The following TTC27 variants were observed in gnomAD, a reference collection of about 807,000 sequenced individuals.
TTC27 encodes tetratricopeptide repeat domain 27.
Under a neutral mutation model 115.9 loss-of-function variants are expected in TTC27, and 79 were observed. The ratio of observed to expected loss-of-function variants is 0.68; its 90% CI spans 0.57 to 0.82. The LOEUF (loss-of-function observed/expected upper bound fraction) is 0.82. TTC27 is among the 40% of genes least tolerant of loss of function. The pLI is 0.00. For missense variants in TTC27, 1,054 were observed against 993.1 expected (o/e 1.06, Z -0.82); for synonymous variants, 401 against 356.0 (o/e 1.13, Z -1.42).
intron 13 of TTC27, among the ~76,000 whole-genome samples, chr2:32,762,239 T>G (rs1414956418): frequency 6.6e-6 from 1 of 150,516 alleles, no homozygotes. Context: ...TCTAGGCAGG[T>G]GAAGAGTATG....
At chr2:32,748,245 A>C (rs1668894578) in intron 12 of TTC27, among the ~76,000 whole-genome samples, 1 of 152,118 alleles carries the variant, frequency 6.6e-6, no homozygotes, top group African/African-American at 2.4e-5. Context: ...ATTTCCACAA[A>C]ATTCCTTTTG....
At chr2:32,672,078 A>C (rs899620541) in intron 7 of TTC27, among the ~76,000 whole-genome samples, 194 bp from the exon 8 acceptor site, 9 of 152,196 alleles carry the variant, frequency 5.9e-5, no homozygotes, top group African/African-American at 1.7e-4. Context: ...TGCATTCTTG[A>C]GGTATAGATG....
intron 16 of TTC27, among the ~76,000 whole-genome samples, chr2:32,803,040 A>G (rs1321146551): frequency 1.3e-5 from 2 of 152,222 alleles, no homozygotes; most frequent in Admixed American, 6.5e-5. Context: ...GGGAGGGGCT[A>G]AAGCCCAGGA....
intron 9 of TTC27, among the ~76,000 whole-genome samples, chr2:32,699,618 A>G (rs1050417974): frequency 6.6e-6 from 1 of 152,238 alleles, no homozygotes; most frequent in African/African-American, 2.4e-5. Context: ...GTCCCATATT[A>G]TGGTCAATTC....
chr2:32,723,694 T>TCCTTCCTTCCTCCCTCCCTC (rs1426698541), intron 10 of TTC27, among the ~76,000 whole-genome samples: 2 of 57,864 alleles, frequency 3.5e-5, no homozygotes, highest in African/African-American at 1.8e-4. Flanking sequence ...CTCAGCTCCT[T>TCCTTCCTTCCTCCCTCCCTC]CCTCCCTCCC....
intron 8 of TTC27, among the ~76,000 whole-genome samples, chr2:32,674,394 G>A (rs1317208756): frequency 2.6e-5 from 4 of 151,862 alleles, no homozygotes; most frequent in South Asian, 2.1e-4. Context: ...CAGGTGATCC[G>A]CCCGCCTCAG....
chr2:32,782,750 T>C (rs6738232), intron 15 of TTC27, 72 bp downstream of exon 15: 44,052 of 1,245,162 alleles, frequency 0.035, 1,384 homozygotes, highest in African/African-American at 0.14. Flanking sequence ...CAACTGAACA[T>C]TGTTTCAATG....
At chr2:32,812,897 A>G (rs1046989300) in intron 18 of TTC27, among the ~76,000 whole-genome samples, 5 of 152,220 alleles carry the variant, frequency 3.3e-5, no homozygotes, top group African/African-American at 9.6e-5. Context: ...ACAACTTTGT[A>G]TAACCTTCAT....
chr2:32,658,076 C>T (rs1414980397), intron 5 of TTC27, among the ~76,000 whole-genome samples: 1 of 152,196 alleles, frequency 6.6e-6, no homozygotes, highest in East Asian at 1.9e-4. Flanking sequence ...TGATCCACCA[C>T]CTTGGCCTCC....
intron 10 of TTC27, among the ~76,000 whole-genome samples, chr2:32,705,157 T>A (rs997890658): frequency 6.6e-6 from 1 of 152,136 alleles, no homozygotes; most frequent in African/African-American, 2.4e-5. Flanking sequence ...CTTGTCCCTC[T>A]GTTAGTTCAT....
intron 16 of TTC27, among the ~76,000 whole-genome samples, chr2:32,806,361 A>C (rs1671128045): frequency 6.6e-6 from 1 of 152,194 alleles, no homozygotes; most frequent in Admixed American, 6.5e-5. Context: ...TACTCCTTTT[A>C]ATCTCAAATA....
rs1031167489 is a variant in TTC27 at position 32,752,832 on chromosome 2, C to G, written c.1453-5460C>G. Among the ~76,000 whole-genome samples the G allele has an allele frequency of 2.6e-5, 4 of 152,116 alleles. 1 individual carries two copies. The South Asian group carries it at 8.3e-4, about 31-fold the overall frequency. On this transcript the variant is annotated intron_variant, in intron 12 of 19. Transcript: ENST00000317907. ...TCCATTTAAATTCTTGGATCCTGCT[C>G]TTTCATAATCAGTGCCCTCTTCTGC...
chr2:32,746,738 C>T (rs961477511), intron 12 of TTC27, among the ~76,000 whole-genome samples: 1 of 151,932 alleles, frequency 6.6e-6, no homozygotes, highest in African/African-American at 2.4e-5. Flanking sequence ...TCACTGGGCA[C>T]ATCTTTTGTA....
At chr2:32,782,269 T>A (rs1174245755) in intron 14 of TTC27, among the ~76,000 whole-genome samples, 2 of 152,128 alleles carry the variant, frequency 1.3e-5, no homozygotes, top group Admixed American at 6.5e-5. Flanking sequence ...ATGGCAAAAA[T>A]TTTTAAGATA....
At position 32,669,742 on chromosome 2, in the gene TTC27, C is replaced by T. The variant is rs562001390; in HGVS notation, c.940-2530C>T. Among the ~76,000 whole-genome samples, 16 of 151,694 alleles carry T rather than the reference C, an allele frequency of 1.1e-4. No individual in the cohort carries two copies. In the East Asian group the frequency reaches 1.2e-3, roughly 11 times the overall value. ...TCTGCTAAAAATAGAAAAGATTATC[C>T]GGGCGTGGTGGTGTGTGCCTGTAAT... On this transcript the variant is annotated intron_variant, in intron 7 of 19. Transcript: ENST00000317907.
intron 13 of TTC27, among the ~76,000 whole-genome samples, chr2:32,773,763 G>A (rs961995293): frequency 6.6e-6 from 1 of 152,228 alleles, no homozygotes; most frequent in Admixed American, 6.5e-5. Flanking sequence ...GGTTGTTATT[G>A]TAAAGAGAGG....
At chr2:32,751,020 A>G (rs3769579) in intron 12 of TTC27, among the ~76,000 whole-genome samples, 15,435 of 152,184 alleles carry the variant, frequency 0.1, 991 homozygotes, top group African/African-American at 0.19. Context: ...TAGGACAAGC[A>G]TACTTCTCTC....
At chr2:32,654,459 T>G (rs1335622219) in intron 5 of TTC27, among the ~76,000 whole-genome samples, 1 of 152,198 alleles carries the variant, frequency 6.6e-6, no homozygotes, top group African/African-American at 2.4e-5. Flanking sequence ...GTGTACAATT[T>G]GTGACATTTT....
At chr2:32,775,428 G>T (rs892829478) in intron 13 of TTC27, among the ~76,000 whole-genome samples, 1 of 152,166 alleles carries the variant, frequency 6.6e-6, no homozygotes, top group Admixed American at 6.5e-5. Context: ...TCGATCTCCT[G>T]ACCTCGTGAT....
Sources: gnomAD v4.1 joint callset for allele counts (sites outside exome capture counted in the v4.1 genomes callset) on GRCh38, gnomAD v4.1.1 for gene constraint, MANE v1.5 for transcripts, NCBI Gene and HGNC (gene_info 2026-07-23, HGNC 2026-07-21) for gene names.